Variants in PAX5 observed in about 807,000 individuals in gnomAD.
PAX5 encodes the protein paired box protein Pax-5.
Under a neutral mutation model 43.7 loss-of-function variants are expected in PAX5, and 9 were observed. The ratio of observed to expected loss-of-function variants is 0.21; its 90% CI spans 0.12 to 0.36. PAX5 has a LOEUF of 0.36. Among genes scored for constraint, PAX5 ranks in the 10% least tolerant of loss-of-function variants. The pLI is 1.00. For synonymous variants in PAX5, 228 were observed against 214.3 expected (o/e 1.06, Z -0.56); for missense variants, 383 against 532.7 (o/e 0.72, Z 2.77).
At chr9:36,918,133 G>A (rs936961873) in intron 7 of PAX5, among the ~76,000 whole-genome samples, 3 of 152,146 alleles carry the variant, frequency 2.0e-5, no homozygotes, top group African/African-American at 7.2e-5. Context: ...ATGTGTTCAA[G>A]TGAAAGGAAG....
chr9:37,027,678 C>G (rs930278738), intron 1 of PAX5, among the ~76,000 whole-genome samples: 2 of 152,216 alleles, frequency 1.3e-5, no homozygotes, highest in African/African-American at 4.8e-5. Context: ...GCCCCGGAGC[C>G]GCTTTCAGGA....
rs374682363 is a variant in PAX5 at position 36,834,959 on chromosome 9, G to T, written c.*5601C>A. On this transcript the variant is annotated 3_prime_UTR_variant, in exon 10 of 10. Coordinates refer to ENST00000358127, the MANE Select transcript of PAX5 (RefSeq NM_016734.3). ...TCACCCCCACCCTGCTGTTTCACCT[G>T]CTTCCCTCCCTGGGCCCCGATCAGC... is the stretch of plus-strand genomic sequence containing the variant. 6.4e-5 allele frequency: 15 copies of T among 232,696 alleles called. No individual in the cohort carries two copies. In the East Asian group the frequency reaches 7.9e-4, roughly 12 times the overall value. The allele number at this position is 232,696 out of a possible 1,614,324, so 14.4% of individuals were successfully genotyped here.
intron 8 of PAX5, among the ~76,000 whole-genome samples, chr9:36,869,715 C>A (rs967276512): frequency 2.0e-4 from 30 of 152,170 alleles, no homozygotes; most frequent in Non-Finnish European, 7.3e-5. Context: ...GATCTTGTAT[C>A]CTTAGGCTAC....
rs180895621 is a variant in PAX5, at chr9:36,879,654, C to T, written c.1012+2350G>A. ...CCCCCCGGAAATTCCCTGGCTTCTC[C>T]GGGGCTTCTCTGGCCCTTTTGGAAA... is the stretch of plus-strand genomic sequence containing the variant. On this transcript the variant is annotated intron_variant, in intron 8 of 9. Transcript: ENST00000358127. 3.9e-5 allele frequency among the ~76,000 whole-genome samples: 6 copies of T among 152,308 alleles called. No individual in the cohort carries two copies. The East Asian group carries it at 9.6e-4, about 24-fold the overall frequency.
At chr9:36,843,464 T>C (rs1051729332) in intron 9 of PAX5, among the ~76,000 whole-genome samples, 5 of 152,218 alleles carry the variant, frequency 3.3e-5, no homozygotes, top group African/African-American at 1.2e-4. Context: ...ATGCAGCTCC[T>C]GTTGGAATGA....
intron 5 of PAX5, among the ~76,000 whole-genome samples, chr9:36,981,195 C>CCT (rs1491319752): frequency 1.1e-4 from 16 of 145,376 alleles, no homozygotes; most frequent in South Asian, 2.2e-4. Context: ...GCCCCCCCCC[C>CCT]CTCAGCCCTG....
rs369398831 is a variant in PAX5, at chr9:36,918,873, A to C, written c.910+4482T>G. On this transcript the variant is annotated intron_variant, in intron 7 of 9. Coordinates refer to ENST00000358127, the MANE Select transcript of PAX5 (RefSeq NM_016734.3). The stretch of plus-strand genomic sequence containing the variant: ...CACAAAGGTGCAAGGTGAAGCAGCA[A>C]GTGCTGATGTAGAAGCTAAGATCAA... 7.9e-5 allele frequency among the ~76,000 whole-genome samples: 12 copies of C among 152,376 alleles called. No homozygotes were observed. The East Asian group carries it at 1.5e-3, about 20-fold the overall frequency.
intron 6 of PAX5, among the ~76,000 whole-genome samples, chr9:36,936,029 G>A (rs1226792609): frequency 6.6e-6 from 1 of 152,226 alleles, no homozygotes; most frequent in East Asian, 1.9e-4. Flanking sequence ...CTGTTCTCAC[G>A]GTCAAGGCAG....
chr9:36,900,619 C>T (rs896594748), intron 7 of PAX5, among the ~76,000 whole-genome samples: 8 of 152,170 alleles, frequency 5.3e-5, no homozygotes, highest in African/African-American at 1.9e-4. Context: ...ACCACTCACT[C>T]CCCCACTCCG....
At chr9:36,953,519 T>G (rs1344428889) in intron 6 of PAX5, among the ~76,000 whole-genome samples, 1 of 152,204 alleles carries the variant, frequency 6.6e-6, no homozygotes, top group Non-Finnish European at 1.5e-5. Flanking sequence ...TTTTGTTTTT[T>G]CATTCTTTTT....
intron 5 of PAX5, among the ~76,000 whole-genome samples, chr9:36,984,493 T>G (rs1168345273): frequency 1.4e-5 from 2 of 139,204 alleles, no homozygotes; most frequent in Non-Finnish European, 3.0e-5. Context: ...CAGGCTGGAG[T>G]GCAGTGGCAC....
Position 36,973,715 on chromosome 9 carries a change from T to A in PAX5, c.605-6991A>T, listed in dbSNP as rs573580734. 4.0e-5 allele frequency among the ~76,000 whole-genome samples: 6 copies of A among 151,358 alleles called. No homozygotes were observed. The South Asian group carries it at 6.3e-4, about 16-fold the overall frequency. ...GACCCCCATCTCTACAAAAAAAAAA[T>A]TTAAAAATGGCTGGGCATGGTGGCT... On this transcript the variant is annotated intron_variant, in intron 5 of 9. Transcript: ENST00000358127.
chr9:36,885,997 G>A (rs926385558), intron 7 of PAX5, among the ~76,000 whole-genome samples: 1 of 152,078 alleles, frequency 6.6e-6, no homozygotes, highest in Admixed American at 6.5e-5. Flanking sequence ...TGGGATGGGA[G>A]CACTCGGCAA....
intron 5 of PAX5, among the ~76,000 whole-genome samples, chr9:36,972,436 AACCCCTTTCTCCACCAAAATCC>A (rs1414719938): frequency 6.6e-6 from 1 of 152,208 alleles, no homozygotes; most frequent in Non-Finnish European, 1.5e-5. Context: ...GGTCATTTCT[AACCCCTTTCTCCACCAAAATCC>A]ACCTAGATTT....
At chr9:37,007,608 T>A (rs1248985848) in intron 3 of PAX5, 1 of 152,212 alleles carries the variant, frequency 6.6e-6, no homozygotes, top group Non-Finnish European at 1.5e-5. Flanking sequence ...GAAGAGTGGG[T>A]CATAATAAAA....
At chr9:36,978,298 C>A (rs747173995) in intron 5 of PAX5, among the ~76,000 whole-genome samples, 1 of 152,168 alleles carries the variant, frequency 6.6e-6, no homozygotes, top group Admixed American at 6.5e-5. Flanking sequence ...GGATGTTAAC[C>A]GCCATAGTGA....
Position 36,982,278 on chromosome 9 carries a change from A to G in PAX5, c.605-15554T>C, listed in dbSNP as rs538125376. 2.1e-4 allele frequency among the ~76,000 whole-genome samples: 32 copies of G among 152,256 alleles called. 1 individual carries two copies. In the South Asian group the frequency reaches 6.4e-3, roughly 31 times the overall value. On this transcript the variant is annotated intron_variant, in intron 5 of 9. Coordinates refer to ENST00000358127, the MANE Select transcript of PAX5 (RefSeq NM_016734.3). ...GATTTCATCTCAAAAAAAATAAAAA[A>G]ATAAAAATAAATAAATAAAAAATAA...
At chr9:36,900,760 C>G (rs947015367) in intron 7 of PAX5, among the ~76,000 whole-genome samples, 3 of 152,180 alleles carry the variant, frequency 2.0e-5, no homozygotes, top group African/African-American at 4.8e-5. Context: ...TCACATCCTC[C>G]CACCACCTGT....
At position 36,837,094 on chromosome 9, in the gene PAX5, T is replaced by TG; in HGVS notation, c.*3465dup. 1 of 226,844 alleles carries TG rather than the reference T, an allele frequency of 4.4e-6. No individual in the cohort carries two copies. The highest frequency in any genetic ancestry group is 6.2e-5 in the East Asian group (1 of 16,048). 14.1% of individuals were successfully genotyped at this position (226,844 alleles called of 1,614,324 possible). A position where few individuals can be genotyped will look rare whatever the true frequency, so the allele number is the denominator to read the frequency against. On this transcript the variant is annotated 3_prime_UTR_variant, in exon 10 of 10. Coordinates refer to ENST00000358127, the MANE Select transcript of PAX5 (RefSeq NM_016734.3). ...GTGGGTCTGGGGGATTTCTAGGGAA[T>TG]GGGGGTGGGGGAGTGTCTTTAAGCC... is the stretch of plus-strand genomic sequence containing the variant.
Sources: allele counts gnomAD v4.1 joint callset (sites outside exome capture counted in the v4.1 genomes callset), GRCh38; gene constraint gnomAD v4.1.1; transcripts MANE v1.5; gene names NCBI Gene and HGNC (gene_info 2026-07-23, HGNC 2026-07-21).